EVL: variants seen among roughly 807,000 people sequenced by gnomAD.
EVL encodes the protein Enah/Vasp-like, also known as ena/VASP-like protein.
EVL carries 21 observed loss-of-function variants against 59.6 expected under a neutral mutation model. That is an observed-to-expected ratio of 0.35 (90% CI 0.25 to 0.51). The LOEUF (loss-of-function observed/expected upper bound fraction) is 0.51, where lower values mean the gene tolerates loss of function less well. Ranked by LOEUF, EVL falls within the 20% of genes least tolerant of loss-of-function variation. EVL has a pLI of 0.97. For missense variants in EVL, 462 were observed against 546.6 expected, an observed-to-expected ratio of 0.85 and a Z score of 1.54; for synonymous variants, 198 against 203.5, an observed-to-expected ratio of 0.97 and a Z score of 0.23.
At chr14:100,141,538 G>T (rs1002194814) in intron 12 of EVL, among the ~76,000 whole-genome samples, 198 bp from the exon 13 acceptor site, 2 of 152,226 alleles carry the variant, frequency 1.3e-5, no homozygotes, top group Non-Finnish European at 2.9e-5. Context: ...CTACCTGAGG[G>T]AGGTGGCAGC....
Position 100,128,604 on chromosome 14 carries a change from AGT to A in EVL, c.574_575del (p.Val192ProfsTer105). On this transcript the variant is annotated frameshift_variant, in exon 6 of 14. Coordinates refer to ENST00000392920, the MANE Select transcript of EVL (RefSeq NM_016337.3). LOFTEE classifies it high-confidence loss of function. ...SGPPPPPPPP[V>X]PPPPTGATPP... is the part of the protein sequence containing the mutation. ...GGCCTCCACCGCCCCCCCCACCCCC[AGT>A]CCCACCTCCACCCACTGGGGCTACC... 2.5e-6 allele frequency: 1 copy of A among 402,716 alleles called. No homozygotes were observed. Among genetic ancestry groups the A allele is most frequent in the Non-Finnish European group, 3.5e-6 (1 of 289,432 alleles). 24.9% of individuals were successfully genotyped at this position (402,716 alleles called of 1,614,324 possible).
intron 3 of EVL, chr14:100,106,228 T>G (rs1886560937): frequency 6.6e-6 from 1 of 152,276 alleles, no homozygotes; most frequent in Non-Finnish European, 1.5e-5. Context: ...AAGCCAGAGC[T>G]TGCTCTGTTT....
chr14:100,004,227 A>C (rs2060964180), intron 1 of EVL, among the ~76,000 whole-genome samples: 2 of 152,160 alleles, frequency 1.3e-5, no homozygotes, highest in Admixed American at 6.5e-5. Context: ...CAACCAACCA[A>C]CAAACAAATG....
chr14:100,053,161 T>TA (rs1461901244), intron 1 of EVL, among the ~76,000 whole-genome samples: 11 of 152,312 alleles, frequency 7.2e-5, no homozygotes, highest in African/African-American at 2.6e-4. Flanking sequence ...GGCTTCAACA[T>TA]ATGAATTTTG....
chr14:100,074,978 C>T (rs1161157482), intron 1 of EVL: 1 of 152,200 alleles, frequency 6.6e-6, no homozygotes, highest in African/African-American at 2.4e-5. Flanking sequence ...GAAGGAGAGG[C>T]CTCCAGATGG....
At chr14:100,032,821 C>T (rs2061334494) in intron 1 of EVL, among the ~76,000 whole-genome samples, 1 of 152,134 alleles carries the variant, frequency 6.6e-6, no homozygotes, top group African/African-American at 2.4e-5. Flanking sequence ...ATTTAATTTC[C>T]TCTATCTTAT....
At chr14:100,060,957 A>C (rs1187678045), upstream of EVL, among the ~76,000 whole-genome samples, 161 of 150,320 alleles carry the variant, frequency 1.1e-3, 2 homozygotes, top group Admixed American at 0.01. Context: ...CAATACCTTT[A>C]AAGTGCTGAA....
chr14:100,019,486 C>T, intron 1 of EVL: 1 of 541,840 alleles, frequency 1.8e-6, no homozygotes, highest in Non-Finnish European at 3.2e-6. Flanking sequence ...TTGTCAGCAG[C>T]TGGCGGAGCT....
chr14:100,117,819 C>A (rs1288741696), intron 3 of EVL, among the ~76,000 whole-genome samples: 3 of 152,220 alleles, frequency 2.0e-5, no homozygotes, highest in Non-Finnish European at 4.4e-5. Flanking sequence ...GCCCAGTCCT[C>A]AGCTCAGCCA....
At chr14:100,014,535 A>G (rs1307503214) in intron 1 of EVL, among the ~76,000 whole-genome samples, 2 of 152,152 alleles carry the variant, frequency 1.3e-5, no homozygotes, top group Admixed American at 6.5e-5. Flanking sequence ...TCATCTGTTG[A>G]TGGGTACTTA....
intron 1 of EVL, among the ~76,000 whole-genome samples, chr14:100,001,254 A>T (rs2060944577): frequency 6.6e-6 from 1 of 152,218 alleles, no homozygotes. Context: ...CAGTGATTTC[A>T]AATTAGGAAA....
At chr14:100,053,331 T>C (rs951143044) in intron 1 of EVL, among the ~76,000 whole-genome samples, 3 of 152,214 alleles carry the variant, frequency 2.0e-5, no homozygotes, top group African/African-American at 7.2e-5. Flanking sequence ...ATTTCTTCAG[T>C]TGGTTGGAAA....
rs1196630615 is a variant in EVL at position 100,141,165 on chromosome 14, C to T, written c.1095-15C>T. 1 of 1,613,208 alleles carries T rather than the reference C, an allele frequency of 6.2e-7. No homozygotes were observed. The highest frequency in any genetic ancestry group is 1.7e-5 in the Admixed American group (1 of 59,970). Reference sequence around the variant, plus strand: ...TGTCTCCAGCCAGGGCACCCACAGGCCCTTTCTCTCCCAGGATGAAGCCTG... The same window carrying T: ...TGTCTCCAGCCAGGGCACCCACAGGTCCTTTCTCTCCCAGGATGAAGCCTG... On this transcript the variant is annotated splice_polypyrimidine_tract_variant and intron_variant, in intron 11 of 13. Coordinates refer to ENST00000392920, the MANE Select transcript of EVL (RefSeq NM_016337.3).
intron 3 of EVL, chr14:100,106,610 G>A (rs773198796): frequency 1.7e-4 from 65 of 378,866 alleles, no homozygotes; most frequent in Non-Finnish European, 2.7e-4. Flanking sequence ...CATTATATCC[G>A]AATTTAGGTA....
intron 1 of EVL, among the ~76,000 whole-genome samples, chr14:99,984,835 C>T (rs993025561): frequency 3.9e-5 from 6 of 152,018 alleles, no homozygotes; most frequent in African/African-American, 7.2e-5. Context: ...AGGCTGGTCT[C>T]GAACTCCTGA....
At chr14:100,125,150 A>C (rs867757918) in intron 4 of EVL, among the ~76,000 whole-genome samples, 5 of 128,282 alleles carry the variant, frequency 3.9e-5, no homozygotes, top group South Asian at 2.6e-4. Context: ...ACACACACAC[A>C]CCTGCCCCAA....
At position 100,084,511 on chromosome 14, in the gene EVL, C is replaced by A. The variant is rs1212605849; in HGVS notation, c.12-176C>A. On this transcript the variant is annotated intron_variant, in intron 1 of 13. Transcript: ENST00000392920. ...AACCTCCTCTCCACTCTGCAAGCTC[C>A]TTAGAGAATGTAAGCTCATCACCTC... 2.6e-5 allele frequency among the ~76,000 whole-genome samples: 4 copies of A among 152,332 alleles called. No homozygotes were observed. The South Asian group carries it at 8.3e-4, about 32-fold the overall frequency.
At chr14:100,137,852 C>G (rs1282129528) in intron 11 of EVL, 50 bp downstream of exon 11, 1 of 1,562,454 alleles carries the variant, frequency 6.4e-7, no homozygotes, top group East Asian at 2.2e-5. Context: ...TGGGGCTCCT[C>G]TGTCCCCCGT....
chr14:100,023,353 C>G (rs571684848), intron 1 of EVL, among the ~76,000 whole-genome samples: 1 of 150,894 alleles, frequency 6.6e-6, no homozygotes, highest in East Asian at 1.9e-4. Context: ...TACAAGTGCC[C>G]ACCACCAAGC....
Sources: allele counts gnomAD v4.1 joint callset (sites outside exome capture counted in the v4.1 genomes callset), GRCh38; gene constraint gnomAD v4.1.1; transcripts MANE v1.5; gene names NCBI Gene and HGNC (gene_info 2026-07-23, HGNC 2026-07-21).